CPAP: variants seen among roughly 807,000 people sequenced by gnomAD.
CPAP encodes centrosome assembly and centriole elongation protein.
chr13:24,886,158 A>G, the CPAP span: 1 of 482,642 alleles, frequency 2.1e-6, no homozygotes, highest in East Asian at 7.0e-5. Context: ...AAGTGAGGTG[A>G]ATCTCTCTCT....
the CPAP span, among the ~76,000 whole-genome samples, chr13:24,897,643 T>C: frequency 6.6e-6 from 1 of 152,208 alleles, no homozygotes; most frequent in Non-Finnish European, 1.5e-5. Flanking sequence ...AGATGTTCTG[T>C]TAAGATACAT....
At chr13:24,910,397 A>T in the CPAP span, among the ~76,000 whole-genome samples, 51 of 152,042 alleles carry the variant, frequency 3.4e-4, no homozygotes, top group South Asian at 8.3e-4. Context: ...CTAATTTTTT[A>T]TATTTTTAGA....
the CPAP span, among the ~76,000 whole-genome samples, chr13:24,922,244 T>C: frequency 3.3e-5 from 5 of 149,704 alleles, no homozygotes; most frequent in African/African-American, 1.2e-4. Flanking sequence ...GGGAGGAGAG[T>C]GGATACAAAC....
chr13:24,885,586 A>C, the CPAP span: 1 of 1,557,780 alleles, frequency 6.4e-7, no homozygotes, highest in South Asian at 1.1e-5. Context: ...TTTGAAGAAT[A>C]TATAAAAACA....
At chr13:24,899,677 G>A in the CPAP span, 738 of 936,718 alleles carry the variant, frequency 7.9e-4, 8 homozygotes, top group African/African-American at 0.01. Context: ...GCTAGTCCTA[G>A]TGAATTCATC....
At chr13:24,928,630 A>G in the CPAP span, among the ~76,000 whole-genome samples, 2 of 152,140 alleles carry the variant, frequency 1.3e-5, no homozygotes, top group African/African-American at 4.8e-5. Flanking sequence ...GGATTTCTCC[A>G]TGTTGGTCAG....
chr13:24,908,162 A>G, the CPAP span: 10 of 1,430,622 alleles, frequency 7.0e-6, no homozygotes, highest in Middle Eastern at 1.8e-4. Flanking sequence ...AGCTCAAGAA[A>G]AGCATATTAA....
At chr13:24,889,078 A>AT in the CPAP span, 2 of 516,902 alleles carry the variant, frequency 3.9e-6, no homozygotes, top group South Asian at 4.3e-5. Context: ...CTCGACCAGT[A>AT]TAACAATTTA....
the CPAP span, among the ~76,000 whole-genome samples, chr13:24,915,368 G>C: frequency 6.6e-6 from 1 of 152,182 alleles, no homozygotes; most frequent in African/African-American, 2.4e-5. Context: ...TAGAGACACT[G>C]GGTCAGCAGC....
chr13:24,885,616 T>C, the CPAP span: 2 of 1,609,516 alleles, frequency 1.2e-6, no homozygotes, highest in African/African-American at 2.7e-5. Context: ...TTGTCCCTTA[T>C]CCAAATTGCC....
the CPAP span, among the ~76,000 whole-genome samples, chr13:24,886,622 G>T: frequency 5.3e-5 from 8 of 152,144 alleles, no homozygotes; most frequent in Non-Finnish European, 8.8e-5. Flanking sequence ...AAGGCTCTGG[G>T]GATAGCAGGA....
chr13:24,908,458 A>AAAAAAAAAAG, the CPAP span, among the ~76,000 whole-genome samples: 2 of 129,222 alleles, frequency 1.5e-5, no homozygotes, highest in Admixed American at 8.0e-5. Flanking sequence ...AAAAAAAAAA[A>AAAAAAAAAAG]AAAAAATTAG....
chr13:24,897,681 T>C, the CPAP span, among the ~76,000 whole-genome samples: 1 of 152,214 alleles, frequency 6.6e-6, no homozygotes, highest in African/African-American at 2.4e-5. Flanking sequence ...ATCATTAATG[T>C]TTAAAAAAAC....
At chr13:24,901,550 C>T in the CPAP span, among the ~76,000 whole-genome samples, 25 of 152,304 alleles carry the variant, frequency 1.6e-4, no homozygotes, top group African/African-American at 6.0e-4. Context: ...ACGATATTCC[C>T]TGCAGAATAA....
the CPAP span, chr13:24,905,310 A>C: frequency 6.3e-7 from 1 of 1,586,116 alleles, no homozygotes; most frequent in Non-Finnish European, 8.7e-7. Context: ...TAAATTTCTA[A>C]CATTCTGATA....
chr13:24,913,137 G>A, the CPAP span: 1 of 896,070 alleles, frequency 1.1e-6, no homozygotes, highest in Non-Finnish European at 1.7e-6. Flanking sequence ...AAAGCCATTA[G>A]ATGTCCTACC....
chr13:24,892,747 G>A, the CPAP span: 1 of 1,614,030 alleles, frequency 6.2e-7, no homozygotes, highest in East Asian at 2.2e-5. Flanking sequence ...TCTTCCCGGA[G>A]GTCTGTGTTC....
chr13:24,913,591 C>T, the CPAP span, among the ~76,000 whole-genome samples: 1 of 152,220 alleles, frequency 6.6e-6, no homozygotes, highest in Non-Finnish European at 1.5e-5. Flanking sequence ...ACTAACACCT[C>T]ACCCACCAGA....
At chr13:24,919,875 C>CA in the CPAP span, among the ~76,000 whole-genome samples, 1 of 152,210 alleles carries the variant, frequency 6.6e-6, no homozygotes, top group Non-Finnish European at 1.5e-5. Context: ...GTGATCCTCC[C>CA]ATCTCAGCCT....
Sources: gnomAD v4.1 joint callset for allele counts (sites outside exome capture counted in the v4.1 genomes callset) on GRCh38, gnomAD v4.1.1 for gene constraint, MANE v1.5 for transcripts, NCBI Gene and HGNC (gene_info 2026-07-23, HGNC 2026-07-21) for gene names.